CUBN: variants seen among roughly 807,000 people sequenced by gnomAD.
CUBN encodes the protein cubilin.
Under a neutral mutation model 405.3 loss-of-function variants are expected in CUBN, and 282 were observed. The ratio of observed to expected loss-of-function variants is 0.70; its 90% CI spans 0.63 to 0.77. The LOEUF is 0.77. Among genes scored for constraint, CUBN ranks in the 30% least tolerant of loss-of-function variants. CUBN has a pLI of 0.00. For missense variants in CUBN, 4,514 were observed against 4,475.2 expected, an observed-to-expected ratio of 1.01 and a Z score of -0.25; for synonymous variants, 1,684 against 1,617.0, an observed-to-expected ratio of 1.04 and a Z score of -0.99.
chr10:16,948,317 T>C (rs893643804), intron 35 of CUBN, among the ~76,000 whole-genome samples, 161 bp downstream of exon 35: 3 of 152,192 alleles, frequency 2.0e-5, no homozygotes, highest in South Asian at 2.1e-4. Flanking sequence ...ATTGCTAGAA[T>C]TGACAACACG....
At position 16,835,083 on chromosome 10, in the gene CUBN, G is replaced by A. The variant is rs1266678482; in HGVS notation, c.10293C>T (p.His3431=). ...GTGAATGAAAAAAGAGGGAAATGGT[G>A]TGGTTCTGGGGGGCTGTGAGAGTAA... ...CTVTLTAPQN[H]TISLFFHSLG... is the part of the protein sequence containing the mutation. Residue 3431 remains histidine, a synonymous_variant, in exon 64 of 67, where the codon CAC becomes CAT. Coordinates refer to ENST00000377833, the MANE Select transcript of CUBN (RefSeq NM_001081.4). 5.3e-5 allele frequency: 86 copies of A among 1,614,056 alleles called. No homozygotes were observed. In the Admixed American group the frequency reaches 5.8e-4, roughly 11 times the overall value.
intron 4 of CUBN, among the ~76,000 whole-genome samples, chr10:17,126,490 G>A (rs1837193658): frequency 1.3e-5 from 2 of 152,192 alleles, no homozygotes; most frequent in Admixed American, 1.3e-4. Flanking sequence ...GCTAAAGGGT[G>A]ATGGTAAAGG....
rs114244548 is a variant in CUBN, at chr10:16,919,131, G to T, written c.6822-331C>A. ...AATTTCAAAAAACAACAAATATTTT[G>T]TTCCACACAATGACTTGATACATTT... On this transcript the variant is annotated intron_variant, in intron 44 of 66. Coordinates refer to ENST00000377833, the MANE Select transcript of CUBN (RefSeq NM_001081.4). 7.6e-3 allele frequency among the ~76,000 whole-genome samples: 1,160 copies of T among 152,258 alleles called. 12 individuals carry two copies. The highest frequency in any genetic ancestry group is 0.026 in the African/African-American group (1,070 of 41,560).
rs1463982631 is a variant in CUBN at position 16,860,667 on chromosome 10, G to A, written c.9454+8969C>T. Among the ~76,000 whole-genome samples, 2 of 152,176 alleles carry A rather than the reference G, an allele frequency of 1.3e-5. 1 individual carries two copies. The highest frequency in any genetic ancestry group is 3.8e-4 in the East Asian group (2 of 5,198). ...AGTAATTTTCTATTTGAATAGTGGTGTCACAAGACATTGTCCAGAAACCTT... is the reference window on the plus strand; with the variant it reads ...AGTAATTTTCTATTTGAATAGTGGTATCACAAGACATTGTCCAGAAACCTT... On this transcript the variant is annotated intron_variant, in intron 59 of 66. Transcript: ENST00000377833.
At chr10:17,014,396 G>A (rs1032789070) in intron 28 of CUBN, among the ~76,000 whole-genome samples, 2 of 152,108 alleles carry the variant, frequency 1.3e-5, no homozygotes, top group African/African-American at 4.8e-5. Context: ...ATGAGTATTT[G>A]CCCTCTGGGT....
At chr10:16,849,517 C>A (rs998423534) in intron 60 of CUBN, among the ~76,000 whole-genome samples, 1 of 152,202 alleles carries the variant, frequency 6.6e-6, no homozygotes, top group Non-Finnish European at 1.5e-5. Context: ...CTTGCTCTCA[C>A]CAAACCACAC....
intron 55 of CUBN, 126 bp from the exon 56 acceptor site, chr10:16,888,692 G>A: frequency 1.2e-6 from 1 of 811,552 alleles, no homozygotes; most frequent in Non-Finnish European, 2.1e-6. Flanking sequence ...CCAAATGGAA[G>A]AAGCAAGAAT....
chr10:16,825,907 A>T (rs943172206), intron 66 of CUBN, among the ~76,000 whole-genome samples: 2 of 151,244 alleles, frequency 1.3e-5, no homozygotes, highest in Non-Finnish European at 2.9e-5. Flanking sequence ...GTGAGTGTAG[A>T]TTTTTTTTTC....
chr10:16,901,305 T>A (rs777460905), intron 52 of CUBN, 33 bp downstream of exon 52: 1 of 1,613,854 alleles, frequency 6.2e-7, no homozygotes, highest in Non-Finnish European at 8.5e-7. Context: ...TTCTATTGTC[T>A]CAGAAGCATT....
Position 17,100,233 on chromosome 10 carries a change from G to T in CUBN, c.1537C>A (p.Arg513Ser), listed in dbSNP as rs747316861. ...AACCGGAAAAAAGTGAAAGTGATAC[G>T]CAGGACCTAAAAATACAAAGGCCAC... ...VIKTEMGKVL[R>S]ITFTFFRLES... Residue 513 changes from arginine (R) to serine (S), a missense_variant, in exon 14 of 67, where the codon CGT (arginine) becomes AGT (serine). Around this residue, in one of 5 missense-constraint regions of CUBN, gnomAD observed 1,448 missense variants for 1,388.0 expected, o/e 1.04. Transcript: ENST00000377833. 1 of 1,601,668 alleles carries T rather than the reference G, an allele frequency of 6.2e-7. No individual in the cohort carries two copies. The highest frequency in any genetic ancestry group is 8.6e-7 in the Non-Finnish European group (1 of 1,168,954).
At chr10:16,907,057 A>G (rs559575529) in intron 49 of CUBN, among the ~76,000 whole-genome samples, 1 of 152,350 alleles carries the variant, frequency 6.6e-6, no homozygotes, top group African/African-American at 2.4e-5. Flanking sequence ...TTCTATATCA[A>G]ATCAAACCTC....
At chr10:17,055,436 GA>G (rs1335955415) in intron 22 of CUBN, among the ~76,000 whole-genome samples, 1 of 151,980 alleles carries the variant, frequency 6.6e-6, no homozygotes, top group Non-Finnish European at 1.5e-5. Context: ...CACATACACA[GA>G]GAAAGAGGGA....
intron 31 of CUBN, among the ~76,000 whole-genome samples, chr10:16,957,823 AC>A (rs1843110211): frequency 6.6e-6 from 1 of 151,896 alleles, no homozygotes; most frequent in Non-Finnish European, 1.5e-5. Flanking sequence ...TATGGAATCA[AC>A]CTAAGTGTCT....
chr10:17,084,115 A>C (rs890655369), intron 17 of CUBN, among the ~76,000 whole-genome samples, 156 bp downstream of exon 17: 1 of 152,114 alleles, frequency 6.6e-6, no homozygotes, highest in African/African-American at 2.4e-5. Flanking sequence ...ATTTGCCTGC[A>C]CCTTAGTCAT....
At chr10:16,840,576 C>T in intron 61 of CUBN, 41 bp from the exon 62 acceptor site, 2 of 1,453,850 alleles carry the variant, frequency 1.4e-6, no homozygotes, top group Non-Finnish European at 1.9e-6. Context: ...ACATTTTATT[C>T]ATGTCTCATC....
chr10:16,869,478 T>C (rs1185945473), intron 59 of CUBN, among the ~76,000 whole-genome samples, 158 bp downstream of exon 59: 1 of 137,814 alleles, frequency 7.3e-6, no homozygotes, highest in Non-Finnish European at 1.5e-5. Context: ...AAATATGTCA[T>C]ACGTAAGTTT....
chr10:16,875,981 T>A (rs915703134), intron 57 of CUBN, among the ~76,000 whole-genome samples: 10 of 152,254 alleles, frequency 6.6e-5, no homozygotes, highest in African/African-American at 2.4e-4. Flanking sequence ...CACAGCCATA[T>A]GTAGTCATAC....
chr10:16,870,741 G>C (rs1840325940), intron 58 of CUBN, among the ~76,000 whole-genome samples: 1 of 152,202 alleles, frequency 6.6e-6, no homozygotes, highest in Non-Finnish European at 1.5e-5. Context: ...ATTACAATGA[G>C]AAATCAACTT....
chr10:17,083,516 A>AATAAATAAATAAATACATACATACATAC lies in CUBN; in HGVS notation c.2301+754_2301+755insGTATGTATGTATGTATTTATTTATTTAT, dbSNP rs59957943. 8.9e-3 allele frequency among the ~76,000 whole-genome samples: 1,264 copies of AATAAATAAATAAATACATACATACATAC among 142,688 alleles called. 22 individuals are homozygous for AATAAATAAATAAATACATACATACATAC. Among genetic ancestry groups the AATAAATAAATAAATACATACATACATAC allele is most frequent in the African/African-American group, 0.031 (1,160 of 37,510 alleles). The allele number at this position is 142,688 out of a possible 152,430, so 93.6% of individuals were successfully genotyped here. Reference sequence around the variant, plus strand: ...GCGAAACTCCGTCTCAAAATAAATAAATACATACATACATACATACATACA... The same window carrying AATAAATAAATAAATACATACATACATAC: ...GCGAAACTCCGTCTCAAAATAAATAAATAAATAAATAAATACATACATACATACATACATACATACATACATACATACA... On this transcript the variant is annotated intron_variant, in intron 17 of 66. Transcript: ENST00000377833.
Sources: gnomAD v4.1 joint callset for allele counts (sites outside exome capture counted in the v4.1 genomes callset) on GRCh38, gnomAD v4.1.1 for gene constraint, gnomAD v4.1.1 regional missense constraint, MANE v1.5 for transcripts, NCBI Gene and HGNC (gene_info 2026-07-23, HGNC 2026-07-21) for gene names.